ELSPBP1: variants seen among roughly 807,000 people sequenced by gnomAD.
The protein encoded by ELSPBP1 is epididymal sperm-binding protein 1.
ELSPBP1 carries 38 observed loss-of-function variants against 33.3 expected under a neutral mutation model. The ratio of observed to expected loss-of-function variants is 1.14; its 90% confidence interval spans 0.88 to 1.50. ELSPBP1 has a LOEUF of 1.50. Ranked by LOEUF, ELSPBP1 falls within the 40% of genes most tolerant of loss-of-function variation. The probability of loss-of-function intolerance (pLI) is 0.00; values close to 1 mark genes in which losing one functional copy is unlikely to be tolerated. For synonymous variants in ELSPBP1, 85 were observed against 94.1 expected (o/e 0.90, Z 0.56); for missense variants, 267 against 263.5 (o/e 1.01, Z -0.09).
intron 3 of ELSPBP1, among the ~76,000 whole-genome samples, chr19:48,015,666 G>A (rs370362200): frequency 6.6e-6 from 1 of 151,982 alleles, no homozygotes; most frequent in East Asian, 1.9e-4. Context: ...TCGAAAAAAA[G>A]AAAAGAAAAG....
chr19:48,023,387 AGGAGGG>A (rs1967226375), intron 6 of ELSPBP1, among the ~76,000 whole-genome samples: 2 of 43,944 alleles, frequency 4.6e-5, no homozygotes, highest in Admixed American at 7.3e-4. Flanking sequence ...GAAAGGAGGG[AGGAGGG>A]AGGGAGGAAG....
intron 2 of ELSPBP1, among the ~76,000 whole-genome samples, chr19:48,012,455 G>T (rs1001425123): frequency 1.3e-5 from 2 of 151,766 alleles, no homozygotes; most frequent in Non-Finnish European, 2.9e-5. Context: ...GGGACCATTA[G>T]TCTCTAGTGC....
intron 2 of ELSPBP1, 149 bp from the exon 3 acceptor site, chr19:48,014,021 TG>T (rs1568406561): frequency 1.2e-6 from 1 of 867,310 alleles, no homozygotes; most frequent in Non-Finnish European, 1.8e-6. Context: ...ACCATGACCG[TG>T]GGGGTTAGGA....
chr19:48,014,279 A>G lies in ELSPBP1; in HGVS notation c.179A>G (p.Asn60Ser), dbSNP rs77097016. ...TGGTGTGCCACCAGAGCCGTGTACA[A>G]CGGCCAGTGGAAGTACTGCCAGAGT... ...SPWCATRAVY[N>S]GQWKYCQSED... The change falls in exon 3 of 7, where the codon AAC (asparagine) becomes AGC (serine). Residue 60 changes from asparagine to serine, a missense_variant. Transcript: ENST00000339841. The G allele has an allele frequency of 1.2e-6, 2 of 1,613,664 alleles. No individual in the cohort carries two copies. Among genetic ancestry groups the G allele is most frequent in the Non-Finnish European group, 8.5e-7 (1 of 1,179,968 alleles).
intron 1 of ELSPBP1, among the ~76,000 whole-genome samples, chr19:47,999,387 C>CTTTTTTTTTTTTTTTTTTTTTTTTT (rs397937280): frequency 7.7e-6 from 1 of 129,976 alleles, no homozygotes. Flanking sequence ...AGCCTCATTT[C>CTTTTTTTTTTTTTTTTTTTTTTTTT]TTTTTTTTTT....
intron 4 of ELSPBP1, among the ~76,000 whole-genome samples, chr19:48,016,963 G>T (rs1281020271): frequency 6.6e-6 from 1 of 152,046 alleles, no homozygotes; most frequent in Non-Finnish European, 1.5e-5. Context: ...GGTGAATAAT[G>T]ACCAAAATTC....
intron 4 of ELSPBP1, 129 bp from the exon 5 acceptor site, chr19:48,019,590 A>C (rs775378111): frequency 1.3e-6 from 1 of 795,706 alleles, no homozygotes; most frequent in Non-Finnish European, 2.0e-6. Flanking sequence ...CGTCATCCGG[A>C]AGTTGCTTGG....
chr19:48,000,714 C>A (rs1375534254), intron 1 of ELSPBP1, among the ~76,000 whole-genome samples: 1 of 152,140 alleles, frequency 6.6e-6, no homozygotes, highest in Admixed American at 6.6e-5. Flanking sequence ...CCGAGCTGTG[C>A]GTGTGTCCAT....
intron 1 of ELSPBP1, among the ~76,000 whole-genome samples, chr19:48,001,988 T>C (rs1182285148): frequency 6.6e-6 from 1 of 152,154 alleles, no homozygotes; most frequent in Non-Finnish European, 1.5e-5. Context: ...TGAGTTACCA[T>C]GACTGGCCCG....
At chr19:48,001,813 G>A (rs1182522216) in intron 1 of ELSPBP1, among the ~76,000 whole-genome samples, 2 of 151,702 alleles carry the variant, frequency 1.3e-5, no homozygotes, top group African/African-American at 2.4e-5. Context: ...TCAGCCTCTC[G>A]AATAGCTAGG....
intron 1 of ELSPBP1, among the ~76,000 whole-genome samples, chr19:47,996,458 GGATA>G (rs530785526): frequency 8.1e-4 from 124 of 152,188 alleles, no homozygotes; most frequent in African/African-American, 2.6e-3. Flanking sequence ...ACAGATGAGT[GGATA>G]GATAGATGGC....
intron 1 of ELSPBP1, among the ~76,000 whole-genome samples, chr19:48,005,008 G>A (rs2122298054): frequency 6.6e-6 from 1 of 152,240 alleles, no homozygotes; most frequent in East Asian, 1.9e-4. Context: ...ACCAGCCTGG[G>A]CAACATAGCA....
intron 1 of ELSPBP1, among the ~76,000 whole-genome samples, chr19:48,003,835 C>T (rs1041109317): frequency 3.3e-5 from 5 of 151,490 alleles, no homozygotes; most frequent in East Asian, 1.9e-4. Flanking sequence ...CATGAGCTAC[C>T]GTGTCCGGCC....
At chr19:48,020,264 C>T (rs1967185559) in intron 5 of ELSPBP1, among the ~76,000 whole-genome samples, 2 of 152,274 alleles carry the variant, frequency 1.3e-5, no homozygotes, top group Admixed American at 6.5e-5. Flanking sequence ...CTGCAGTGAG[C>T]TGTGATCACA....
intron 5 of ELSPBP1, among the ~76,000 whole-genome samples, chr19:48,021,458 GA>G (rs36047925): frequency 0.6 from 88,086 of 146,364 alleles, 26,088 homozygotes; most frequent in East Asian, 0.87. Context: ...TTTTATTTTT[GA>G]GACGGAATCT....
At chr19:48,017,233 G>T (rs10415184) in intron 4 of ELSPBP1, among the ~76,000 whole-genome samples, 2 of 152,020 alleles carry the variant, frequency 1.3e-5, no homozygotes, top group African/African-American at 4.8e-5. Flanking sequence ...TGTGAAGGCA[G>T]TTATTCGTAG....
At chr19:47,997,108 G>A (rs1183431509) in intron 1 of ELSPBP1, among the ~76,000 whole-genome samples, 1 of 152,150 alleles carries the variant, frequency 6.6e-6, no homozygotes, top group African/African-American at 2.4e-5. Flanking sequence ...CATCCACACA[G>A]GTTTTTAATT....
chr19:48,017,709 A>G (rs997310309), intron 4 of ELSPBP1, among the ~76,000 whole-genome samples: 13 of 152,154 alleles, frequency 8.5e-5, no homozygotes, highest in Middle Eastern at 3.4e-3. Flanking sequence ...CCTAGGCAAC[A>G]TAGGAAGACC....
At chr19:48,018,300 G>C (rs989127567) in intron 4 of ELSPBP1, among the ~76,000 whole-genome samples, 7 of 152,116 alleles carry the variant, frequency 4.6e-5, no homozygotes, top group African/African-American at 7.2e-5. Context: ...GGCATCACAG[G>C]GTTTTTGTAA....
Sources: gnomAD v4.1 joint callset for allele counts (sites outside exome capture counted in the v4.1 genomes callset) on GRCh38, gnomAD v4.1.1 for gene constraint, MANE v1.5 for transcripts, NCBI Gene and HGNC (gene_info 2026-07-23, HGNC 2026-07-21) for gene names.